NFASC: variants seen among roughly 807,000 people sequenced by gnomAD.
The protein encoded by NFASC is neurofascin.
Under a neutral mutation model 147.5 loss-of-function variants are expected in NFASC, and 43 were observed. That is an observed-to-expected ratio of 0.29 (90% CI 0.23 to 0.38). The LOEUF (loss-of-function observed/expected upper bound fraction) is 0.38, where lower values mean the gene tolerates loss of function less well. Among genes scored for constraint, NFASC ranks in the 10% least tolerant of loss-of-function variants. NFASC has a pLI of 1.00. For missense variants in NFASC, 1,320 were observed against 1,689.0 expected (o/e 0.78, Z 3.83); for synonymous variants, 622 against 665.5 (o/e 0.93, Z 1.01).
At chr1:204,995,309 G>C (rs1161824555) in intron 24 of NFASC, among the ~76,000 whole-genome samples, 6 of 135,516 alleles carry the variant, frequency 4.4e-5, no homozygotes, top group Admixed American at 7.6e-5. Context: ...TGTATGATGT[G>C]TGCACAGTGT....
chr1:204,920,645 T>C lies in NFASC; in HGVS notation c.-186T>C, dbSNP rs759584809. 4.7e-6 allele frequency: 6 copies of C among 1,288,592 alleles called. No homozygotes were observed. The highest frequency in any genetic ancestry group is 5.6e-5 in the East Asian group (1 of 18,014). 79.8% of individuals were successfully genotyped at this position (1,288,592 alleles called of 1,614,324 possible). A position where few individuals can be genotyped will look rare whatever the true frequency, so the allele number is the denominator to read the frequency against. On this transcript the variant is annotated 5_prime_UTR_variant, in exon 2 of 30. The change abolishes an upstream ATG in the 5' untranslated region. Transcript: ENST00000339876. ...TGCTTGAGACAGGTTGATTGACTTA[T>C]GTGCAATTTGGGACGCTGGAGTTTA...
At chr1:204,927,837 C>T (rs1288987542) in intron 2 of NFASC, among the ~76,000 whole-genome samples, 1 of 152,212 alleles carries the variant, frequency 6.6e-6, no homozygotes, top group Non-Finnish European at 1.5e-5. Flanking sequence ...CTTCACAAGC[C>T]TCTCCCTCCA....
At chr1:205,000,056 A>C (rs1419396296) in intron 25 of NFASC, 1 of 152,204 alleles carries the variant, frequency 6.6e-6, no homozygotes, top group Admixed American at 6.5e-5. Context: ...ATGGTTTCAG[A>C]CAGCACCATG....
At chr1:204,917,358 AT>A (rs2089506381) in intron 1 of NFASC, among the ~76,000 whole-genome samples, 1 of 152,128 alleles carries the variant, frequency 6.6e-6, no homozygotes, top group Non-Finnish European at 1.5e-5. Context: ...CACTTAAAAT[AT>A]TTTTTTACTT....
intron 25 of NFASC, chr1:204,999,384 C>T (rs1386887077): frequency 6.6e-6 from 1 of 152,162 alleles, no homozygotes; most frequent in Non-Finnish European, 1.5e-5. Flanking sequence ...GCCTTTAAAA[C>T]AGCCAGATTT....
intron 2 of NFASC, among the ~76,000 whole-genome samples, chr1:204,931,798 A>C (rs1474585485): frequency 4.6e-5 from 7 of 152,074 alleles, no homozygotes; most frequent in Admixed American, 1.3e-4. Flanking sequence ...ATCCTAGTCC[A>C]GTTTCCCAAG....
intron 21 of NFASC, among the ~76,000 whole-genome samples, chr1:204,983,446 G>A (rs2095546900): frequency 6.6e-6 from 1 of 152,134 alleles, no homozygotes; most frequent in African/African-American, 2.4e-5. Context: ...GCAGCAGCAG[G>A]AAGCCATTAT....
In NFASC at chr1:204,979,206, C is replaced by T. The variant is rs185424351; in HGVS notation, c.1978+137C>T. ...GGGCTAACCTCAGAATGTACAGAGG[C>T]CTTGGTGTCTCTTCCTGTGCCTTGG... On this transcript the variant is annotated intron_variant, in intron 18 of 29. Coordinates refer to ENST00000339876, the MANE Select transcript of NFASC (RefSeq NM_001005388.3). The surrounding 1 kb of genome is among the most constrained non-coding windows in gnomAD (Gnocchi z 6.0). The T allele has an allele frequency of 2.5e-4, 235 of 932,754 alleles. 1 individual carries two copies. The highest frequency in any genetic ancestry group is 1.5e-3 in the Admixed American group (71 of 46,956). The allele number at this position is 932,754 out of a possible 1,614,324, so 57.8% of individuals were successfully genotyped here.
In NFASC at chr1:205,001,075, G is replaced by A. The variant is rs188221219; in HGVS notation, c.3020-95G>A. On this transcript the variant is annotated intron_variant, in intron 25 of 29. Coordinates refer to ENST00000339876, the MANE Select transcript of NFASC (RefSeq NM_001005388.3). ...TGTGCGTGCGCGAGTGTGGGCATGT[G>A]CGTGCATGCACACGCTTGTGTGTAT... The A allele has an allele frequency of 4.5e-4, 336 of 747,570 alleles. 1 individual carries two copies. Among genetic ancestry groups the A allele is most frequent in the Non-Finnish European group, 7.3e-4 (303 of 414,012 alleles). The allele number at this position is 747,570 out of a possible 1,614,324, so 46.3% of individuals were successfully genotyped here.
rs1215278134 is a variant in NFASC at position 205,015,690 on chromosome 1, C to T, written c.3492-618C>T. On this transcript the variant is annotated intron_variant, in intron 29 of 29. Transcript: ENST00000339876. This position sits in a 1 kb window ranked among gnomAD's most constrained non-coding sequence, Gnocchi z 4.0. ...TGCCCCCCCACCACCACCACTCTTG[C>T]GCACCTGTGCTTGCTAGGCCCAAAG... Among the ~76,000 whole-genome samples the T allele has an allele frequency of 3.3e-5, 5 of 152,108 alleles. No individual in the cohort carries two copies. Among genetic ancestry groups the T allele is most frequent in the Non-Finnish European group, 7.4e-5 (5 of 68,016 alleles).
rs115909264 is a variant in NFASC, at chr1:204,833,340, T to C, written c.-200+4558T>C. Reference sequence around the variant, plus strand: ...AAAATGACAGATTCAGAGAAGCTGTTACTTGTTGAAGATTACAGAACAGGT... The same window carrying C: ...AAAATGACAGATTCAGAGAAGCTGTCACTTGTTGAAGATTACAGAACAGGT... On this transcript the variant is annotated intron_variant, in intron 1 of 29. Coordinates refer to ENST00000339876, the MANE Select transcript of NFASC (RefSeq NM_001005388.3). 2.6e-3 allele frequency among the ~76,000 whole-genome samples: 398 copies of C among 152,326 alleles called. 3 individuals are homozygous for C. The highest frequency in any genetic ancestry group is 8.9e-3 in the African/African-American group (371 of 41,576).
At chr1:204,859,683 GT>G (rs1406897677) in intron 1 of NFASC, among the ~76,000 whole-genome samples, 1 of 152,160 alleles carries the variant, frequency 6.6e-6, no homozygotes, top group Admixed American at 6.5e-5. Context: ...ATTTAAAGTT[GT>G]TTTTTATGCA....
chr1:204,937,856 T>C (rs2093004018), intron 2 of NFASC, among the ~76,000 whole-genome samples: 1 of 152,216 alleles, frequency 6.6e-6, no homozygotes, highest in South Asian at 2.1e-4. Flanking sequence ...GGAAGCTCCA[T>C]GAGAGTAGAG....
chr1:204,937,876 C>G (rs905180297), intron 2 of NFASC, among the ~76,000 whole-genome samples: 11 of 152,206 alleles, frequency 7.2e-5, no homozygotes, highest in African/African-American at 2.4e-4. Flanking sequence ...GGGACTTTGT[C>G]TCTTGTCCAT....
In NFASC at chr1:204,954,852, A is replaced by C; in HGVS notation, c.436A>C (p.Asn146His). 6.2e-7 allele frequency: 1 copy of C among 1,614,150 alleles called. No individual in the cohort carries two copies. The highest frequency in any genetic ancestry group is 1.1e-5 in the South Asian group (1 of 91,082). Residue 146 changes from asparagine (N) to histidine (H), a missense_variant, in exon 7 of 30, where the codon AAC becomes CAC. Physicochemically the swap from Asn to His is moderately conservative, Grantham distance 68 (BLOSUM62 1). Coordinates refer to ENST00000339876, the MANE Select transcript of NFASC (RefSeq NM_001005388.3). The surrounding 1 kb of genome is among the most constrained non-coding windows in gnomAD (Gnocchi z 5.7). ...VSKSPLWPKE[N>H]LDPVVVQEGA... The stretch of plus-strand genomic sequence containing the variant: ...AGAATCTCCTCTGTGGCCCAAGGAA[A>C]ACCTAGACCCTGTCGTGGTCCAAGA...
At chr1:204,848,368 C>A (rs1008539522) in intron 1 of NFASC, among the ~76,000 whole-genome samples, 3 of 152,106 alleles carry the variant, frequency 2.0e-5, no homozygotes, top group Admixed American at 6.5e-5. Context: ...TAGCTAGGAC[C>A]ACAGGCATGT....
At chr1:204,881,244 C>G (rs748013494) in intron 1 of NFASC, among the ~76,000 whole-genome samples, 2 of 152,164 alleles carry the variant, frequency 1.3e-5, no homozygotes, top group Non-Finnish European at 2.9e-5. Context: ...ATCTGTTGAG[C>G]CACCCCTGGG....
At chr1:204,852,117 G>T (rs1420495605) in intron 1 of NFASC, among the ~76,000 whole-genome samples, 1 of 152,174 alleles carries the variant, frequency 6.6e-6, no homozygotes, top group African/African-American at 2.4e-5. Context: ...GTTTATCCAA[G>T]AACTTTCTAA....
At chr1:204,976,048 AC>A (rs906838008) in intron 15 of NFASC, among the ~76,000 whole-genome samples, 4 of 151,428 alleles carry the variant, frequency 2.6e-5, no homozygotes, top group Admixed American at 1.3e-4. Flanking sequence ...ACCTTCTTCC[AC>A]CCCGAGGGAG....
Sources: gnomAD v4.1 joint callset for allele counts (sites outside exome capture counted in the v4.1 genomes callset) on GRCh38, gnomAD v4.1.1 for gene constraint, Gnocchi (gnomAD v3.1) non-coding constraint, MANE v1.5 for transcripts, NCBI Gene and HGNC (gene_info 2026-07-23, HGNC 2026-07-21) for gene names.